Variants in COL5A2 observed in about 807,000 individuals in gnomAD.
The protein encoded by COL5A2 is collagen type V alpha 2 chain, also known as collagen alpha-2(V) chain.
In COL5A2, 23 loss-of-function variants were observed where a neutral mutation model predicts 208.2. That is an observed-to-expected ratio of 0.11 (90% confidence interval 0.08 to 0.16). The LOEUF (loss-of-function observed/expected upper bound fraction) is 0.16, where lower values mean the gene tolerates loss of function less well. Ranked by LOEUF, COL5A2 falls within the 10% of genes least tolerant of loss-of-function variation. The probability of loss-of-function intolerance (pLI) is 1.00; values close to 1 mark genes in which losing one functional copy is unlikely to be tolerated. For missense variants in COL5A2, 1,590 were observed against 1,956.4 expected (o/e 0.81, Z 3.53); for synonymous variants, 625 against 628.5 (o/e 0.99, Z 0.08).
chr2:189,173,478 C>T (rs1354030021), intron 1 of COL5A2, among the ~76,000 whole-genome samples: 1 of 152,108 alleles, frequency 6.6e-6, no homozygotes, highest in Non-Finnish European at 1.5e-5. Context: ...GCAAAATTTT[C>T]CATAGGATAG....
chr2:189,387,228 A>G, the COL5A2 span, among the ~76,000 whole-genome samples: 6 of 152,118 alleles, frequency 3.9e-5, no homozygotes, highest in Non-Finnish European at 8.8e-5. Flanking sequence ...AAAACCAAAT[A>G]CCAAATGTTC....
At chr2:189,040,224 G>T (rs2153506636) in intron 50 of COL5A2, among the ~76,000 whole-genome samples, 1 of 152,180 alleles carries the variant, frequency 6.6e-6, no homozygotes, top group East Asian at 1.9e-4. Context: ...CTGGGCTCAA[G>T]CAATCCTCCC....
chr2:189,276,747 T>C, the COL5A2 span, among the ~76,000 whole-genome samples: 2 of 152,148 alleles, frequency 1.3e-5, no homozygotes, highest in African/African-American at 2.4e-5. Context: ...ATTTAATATA[T>C]TTTTAAAACC....
intron 1 of COL5A2, among the ~76,000 whole-genome samples, chr2:189,162,043 T>C (rs139360069): frequency 0.018 from 2,710 of 152,234 alleles, 30 homozygotes; most frequent in East Asian, 0.046. Flanking sequence ...ACTTCTCAGG[T>C]GTGCCCTCCA....
chr2:189,320,650 G>T, the COL5A2 span, among the ~76,000 whole-genome samples: 2 of 152,222 alleles, frequency 1.3e-5, no homozygotes, highest in South Asian at 4.1e-4. Context: ...AAGCCTCCAA[G>T]AAATATGGGA....
chr2:189,066,047 T>C (rs900399559), intron 23 of COL5A2, among the ~76,000 whole-genome samples: 3 of 152,218 alleles, frequency 2.0e-5, no homozygotes, highest in Non-Finnish European at 4.4e-5. Flanking sequence ...GTACATATAT[T>C]TTTATTTACC....
rs151114562 is a variant in COL5A2, at chr2:189,213,413, G to A, written c.-42+11735C>T. The stretch of plus-strand genomic sequence containing the variant: ...AAACACTGAAAGTGTGCCAAAACAC[G>A]TCATAAAAACAGAGACAGCCAGACA... On this transcript the variant is annotated intron_variant, in intron 1 of 10. Transcript: ENST00000649966. Among the ~76,000 whole-genome samples, 14 of 152,210 alleles carry A rather than the reference G, an allele frequency of 9.2e-5. No individual in the cohort carries two copies. The East Asian group carries it at 1.7e-3, about 19-fold the overall frequency.
At chr2:189,303,620 TAGTC>T in the COL5A2 span, among the ~76,000 whole-genome samples, 1 of 152,214 alleles carries the variant, frequency 6.6e-6, no homozygotes, top group African/African-American at 2.4e-5. Context: ...CCTAGCTTAA[TAGTC>T]AGACAAAATT....
chr2:189,330,819 AGT>A, the COL5A2 span, among the ~76,000 whole-genome samples: 3 of 152,230 alleles, frequency 2.0e-5, no homozygotes, highest in Admixed American at 2.0e-4. Flanking sequence ...TGTTAGAAGT[AGT>A]GTGCCATTTT....
At chr2:189,055,080 G>T (rs1685875444) in intron 35 of COL5A2, among the ~76,000 whole-genome samples, 1 of 152,096 alleles carries the variant, frequency 6.6e-6, no homozygotes, top group African/African-American at 2.4e-5. Flanking sequence ...TAGAGACGGG[G>T]TTTCACCATA....
upstream of COL5A2, chr2:189,179,825 C>A (rs1188180477): frequency 4.4e-6 from 3 of 679,118 alleles, no homozygotes; most frequent in East Asian, 8.1e-5. Context: ...TCTTTTCCTG[C>A]CCCTTTTCAG....
intron 42 of COL5A2, among the ~76,000 whole-genome samples, 178 bp from the exon 43 acceptor site, chr2:189,050,854 C>T (rs1254743239): frequency 6.6e-6 from 1 of 152,090 alleles, no homozygotes; most frequent in Non-Finnish European, 1.5e-5. Context: ...GAACCTCTAA[C>T]ATTATTTAAA....
rs138560668 is a variant in COL5A2 at position 189,221,605 on chromosome 2, A to G, written c.-42+3543T>C. On this transcript the variant is annotated intron_variant, in intron 1 of 10. Coordinates refer to the COL5A2 transcript ENST00000649966. ...TGTGAAGTCTATATTCAGACATTAC[A>G]ACCTCTTTATTATAAGATAAGAAAT... 9.2e-5 allele frequency among the ~76,000 whole-genome samples: 14 copies of G among 152,276 alleles called. No individual in the cohort carries two copies. In the East Asian group the frequency reaches 2.1e-3, roughly 23 times the overall value.
the COL5A2 span, among the ~76,000 whole-genome samples, chr2:189,372,762 A>T: frequency 6.6e-6 from 1 of 152,208 alleles, no homozygotes; most frequent in Non-Finnish European, 1.5e-5. Context: ...TACAGTCATT[A>T]TAAAGTGGAA....
At chr2:189,315,720 A>G in the COL5A2 span, among the ~76,000 whole-genome samples, 1 of 152,154 alleles carries the variant, frequency 6.6e-6, no homozygotes, top group Non-Finnish European at 1.5e-5. Context: ...GCTGATAAAC[A>G]ACTTCAGGAA....
At chr2:189,420,186 A>G in the COL5A2 span, among the ~76,000 whole-genome samples, 2 of 152,156 alleles carry the variant, frequency 1.3e-5, no homozygotes, top group Non-Finnish European at 2.9e-5. Context: ...CACACAATTC[A>G]TTTTCAAACA....
chr2:189,068,129 A>T lies in COL5A2; in HGVS notation c.1303-16T>A, dbSNP rs1057524650. Reference sequence around the variant, plus strand: ...CTGGAGAGCCCTATTAAACAGCAAGAGTGATGTGGTAAGTAGAGACACAGG... The same window carrying T: ...CTGGAGAGCCCTATTAAACAGCAAGTGTGATGTGGTAAGTAGAGACACAGG... On this transcript the variant is annotated splice_polypyrimidine_tract_variant and intron_variant, in intron 20 of 53. Coordinates refer to ENST00000374866, the MANE Select transcript of COL5A2 (RefSeq NM_000393.5). 5.0e-6 allele frequency: 8 copies of T among 1,609,006 alleles called. No homozygotes were observed. The highest frequency in any genetic ancestry group is 6.8e-6 in the Non-Finnish European group (8 of 1,175,492).
At chr2:189,389,851 A>C in the COL5A2 span, among the ~76,000 whole-genome samples, 1 of 152,204 alleles carries the variant, frequency 6.6e-6, no homozygotes, top group Non-Finnish European at 1.5e-5. Context: ...TTCTAGCATT[A>C]AGGAGTCTGT....
At chr2:189,066,608 G>C in intron 22 of COL5A2, 111 bp from the exon 23 acceptor site, 2 of 1,351,144 alleles carry the variant, frequency 1.5e-6, no homozygotes, top group Non-Finnish European at 1.1e-6. Flanking sequence ...ATGGAACAAT[G>C]AGATATTTTC....
Sources: allele counts gnomAD v4.1 joint callset (sites outside exome capture counted in the v4.1 genomes callset), GRCh38; gene constraint gnomAD v4.1.1; transcripts MANE v1.5; gene names NCBI Gene and HGNC (gene_info 2026-07-23, HGNC 2026-07-21).